The following ADIG variants were observed in gnomAD, a reference collection of about 807,000 sequenced individuals.
The protein encoded by ADIG is adipogenin.
In ADIG, 12 loss-of-function variants were observed where a neutral mutation model predicts 10.7. The ratio of observed to expected loss-of-function variants is 1.12; its 90% CI spans 0.72 to 1.82. The LOEUF is 1.82. Among genes scored for constraint, ADIG ranks in the 40% most tolerant of loss-of-function variants. The probability of loss-of-function intolerance (pLI) is 0.00; values close to 1 mark genes in which losing one functional copy is unlikely to be tolerated. For synonymous variants in ADIG, 32 were observed against 35.6 expected (o/e 0.90, Z 0.36); for missense variants, 72 against 92.5 (o/e 0.78, Z 0.91).
rs1332584733 is a variant in ADIG, at chr20:38,581,211, A to T, written c.-40A>T. On this transcript the variant is annotated 5_prime_UTR_variant, in exon 1 of 3. Coordinates refer to ENST00000537425, the MANE Select transcript of ADIG (RefSeq NM_001393816.1). ...CCAGGTCCCATGGGGCAGCCCTGCC[A>T]GCCCAGCCCAGGCTGGCCCAGCTTA... is the stretch of plus-strand genomic sequence containing the variant. The T allele has an allele frequency of 1.3e-6, 2 of 1,577,450 alleles. No homozygotes were observed. The highest frequency in any genetic ancestry group is 1.1e-5 in the South Asian group (1 of 87,778).
intron 1 of ADIG, chr20:38,585,766 G>A: frequency 1.6e-6 from 1 of 608,618 alleles, no homozygotes; most frequent in South Asian, 2.0e-5. Context: ...AGTACAGTAT[G>A]TCATTTGCTC....
chr20:38,586,008 C>A (rs372354801), intron 1 of ADIG, 21 bp from the exon 2 acceptor site: 12 of 1,580,068 alleles, frequency 7.6e-6, no homozygotes, highest in Middle Eastern at 1.7e-4. Flanking sequence ...ATCCAAGAGG[C>A]CTTGCCTCGT....
At position 38,581,297 on chromosome 20, in the gene ADIG, T is replaced by C; in HGVS notation, c.47T>C (p.Phe16Ser). ...CTGGTGAACGACCTCACATTTTCTT[T>C]CCTGGTTTTCTGGTTCTGCCTCCCT... Reference protein sequence around the residue: ...MPLVNDLTFSFLVFWFCLPVG... With the variant: ...MPLVNDLTFSSLVFWFCLPVG... Residue 16 changes from phenylalanine to serine, a missense_variant, in exon 1 of 3, where the codon TTC becomes TCC. Physicochemically the swap from Phe to Ser is radical, Grantham distance 155. Transcript: ENST00000537425. 2 of 1,613,970 alleles carry C rather than the reference T, an allele frequency of 1.2e-6. No homozygotes were observed. The highest frequency in any genetic ancestry group is 1.7e-4 in the Middle Eastern group (1 of 6,020).
intron 1 of ADIG, among the ~76,000 whole-genome samples, chr20:38,584,450 C>G (rs1006105759): frequency 2.6e-5 from 4 of 152,234 alleles, no homozygotes; most frequent in African/African-American, 9.6e-5. Context: ...GGGGCTGAAA[C>G]AGAAGAGTGG....
At chr20:38,581,831 A>G (rs1003388699) in intron 1 of ADIG, among the ~76,000 whole-genome samples, 7 of 152,210 alleles carry the variant, frequency 4.6e-5, no homozygotes, top group African/African-American at 7.2e-5. Flanking sequence ...AGCTTGCACG[A>G]TGGGATACAG....
intron 1 of ADIG, among the ~76,000 whole-genome samples, chr20:38,584,975 G>A (rs1042137728): frequency 3.3e-5 from 5 of 152,194 alleles, no homozygotes; most frequent in South Asian, 4.2e-4. Flanking sequence ...ACGGGGTTTC[G>A]CCATGTTGGC....
At chr20:38,585,671 G>A (rs2088629876) in intron 1 of ADIG, 3 of 819,532 alleles carry the variant, frequency 3.7e-6, no homozygotes, top group South Asian at 3.6e-5. Flanking sequence ...GTACTCAGAT[G>A]TTTGTTAATG....
At chr20:38,584,841 G>A (rs1223993000) in intron 1 of ADIG, among the ~76,000 whole-genome samples, 2 of 151,882 alleles carry the variant, frequency 1.3e-5, no homozygotes, top group South Asian at 2.1e-4. Context: ...GCAGTGGCGC[G>A]ATCTCGGCTC....
chr20:38,581,345 TC>T lies in ADIG; in HGVS notation c.96del (p.Ile33SerfsTer100). On this transcript the variant is annotated frameshift_variant, in exon 1 of 3. Transcript: ENST00000537425. LOFTEE classifies it high-confidence loss of function. ...CLPVGLLLLL[I>X]IWLRFLLSQD... ...CCTGTGGGTTTGCTGTTGTTATTGA[TC>T]ATCTGGCTACGCTTCTTACTTAGCC... 1 of 1,614,030 alleles carries T rather than the reference TC, an allele frequency of 6.2e-7. No homozygotes were observed. The highest frequency in any genetic ancestry group is 8.5e-7 in the Non-Finnish European group (1 of 1,179,894).
intron 1 of ADIG, chr20:38,585,699 G>GTTCA: frequency 1.4e-6 from 1 of 695,186 alleles, no homozygotes; most frequent in Non-Finnish European, 2.4e-6. Context: ...TAGTGGACTA[G>GTTCA]TGGCCTGGAT....
chr20:38,585,700 TG>T lies in ADIG; in HGVS notation c.125-327del, dbSNP rs72201948. On this transcript the variant is annotated intron_variant, in intron 1 of 2. Transcript: ENST00000537425. ...GTTAATGAATGAACTAGTGGACTAG[TG>T]GCCTGGATGGGTCAATAACTGTGTC... The T allele has an allele frequency of 5.8e-3, 3,946 of 680,112 alleles. 117 individuals are homozygous for T. The African/African-American group carries it at 0.063, about 11-fold the overall frequency. The allele number at this position is 680,112 out of a possible 1,614,324, so 42.1% of individuals were successfully genotyped here.
At chr20:38,587,006 G>A (rs2088643344) in intron 2 of ADIG, among the ~76,000 whole-genome samples, 2 of 152,088 alleles carry the variant, frequency 1.3e-5, no homozygotes, top group African/African-American at 4.8e-5. Context: ...CAAAATGTGT[G>A]TGTCTCATCT....
chr20:38,582,233 C>T (rs73294773), intron 1 of ADIG, among the ~76,000 whole-genome samples: 5,897 of 152,262 alleles, frequency 0.039, 183 homozygotes, highest in African/African-American at 0.09. Flanking sequence ...AACGTCCCTA[C>T]AAGGAATACA....
chr20:38,584,552 G>A (rs910868467), intron 1 of ADIG, among the ~76,000 whole-genome samples: 10 of 152,188 alleles, frequency 6.6e-5, no homozygotes, highest in African/African-American at 2.4e-5. Flanking sequence ...CAATGGAACC[G>A]TGGAGTGGGG....
chr20:38,587,858 C>G (rs1369093058), intron 2 of ADIG, among the ~76,000 whole-genome samples: 1 of 151,906 alleles, frequency 6.6e-6, no homozygotes, highest in African/African-American at 2.4e-5. Flanking sequence ...CTGTCTTATC[C>G]TCCCGAGTAG....
chr20:38,588,406 G>A lies in ADIG; in HGVS notation c.*320G>A. ...AAAGCAGGGCTGGGCCGGAGGGTGTGGGTCCATATTAAAGAAGCAAGGGTC... is the reference window on the plus strand; with the variant it reads ...AAAGCAGGGCTGGGCCGGAGGGTGTAGGTCCATATTAAAGAAGCAAGGGTC... On this transcript the variant is annotated 3_prime_UTR_variant, in exon 3 of 3. Transcript: ENST00000537425. 1 of 1,238,824 alleles carries A rather than the reference G, an allele frequency of 8.1e-7. No homozygotes were observed. 76.7% of individuals were successfully genotyped at this position (1,238,824 alleles called of 1,614,324 possible).
chr20:38,586,870 C>T (rs1179708209), intron 2 of ADIG, among the ~76,000 whole-genome samples: 1 of 127,052 alleles, frequency 7.9e-6, no homozygotes, highest in South Asian at 2.2e-4. Context: ...GAGGCACACA[C>T]ACATACTCTC....
rs571162106 is a variant in ADIG at position 38,581,245 on chromosome 20, T to G, written c.-6T>G. 19 of 1,607,342 alleles carry G rather than the reference T, an allele frequency of 1.2e-5. No individual in the cohort carries two copies. Among genetic ancestry groups the G allele is most frequent in the Admixed American group, 3.4e-5 (2 of 58,926 alleles). ...CAGGCTGGCCCAGCTTAGCCACACA[T>G]GCGCCATGAAGTACCCTTTGATGCC... On this transcript the variant is annotated 5_prime_UTR_variant, in exon 1 of 3. The change abolishes an upstream ATG in the 5' untranslated region. Coordinates refer to ENST00000537425, the MANE Select transcript of ADIG (RefSeq NM_001393816.1).
chr20:38,584,470 C>A (rs536077639), intron 1 of ADIG, among the ~76,000 whole-genome samples: 11 of 152,310 alleles, frequency 7.2e-5, no homozygotes, highest in Non-Finnish European at 1.0e-4. Context: ...GCGCAACAAC[C>A]CCTCATGGTG....
Sources: gnomAD v4.1 joint callset for allele counts (sites outside exome capture counted in the v4.1 genomes callset) on GRCh38, gnomAD v4.1.1 for gene constraint, MANE v1.5 for transcripts, NCBI Gene and HGNC (gene_info 2026-07-23, HGNC 2026-07-21) for gene names.